DENND11: variants seen among roughly 807,000 people sequenced by gnomAD.
DENND11 encodes the protein DENN domain containing 11, also known as DENN domain-containing protein 11.
A neutral mutation model predicts 49.2 loss-of-function variants in DENND11; 34 were observed. The observed-to-expected ratio is 0.69, with a 90% CI of 0.53 to 0.92. The LOEUF is 0.92. Among genes scored for constraint, DENND11 ranks in the 40% least tolerant of loss-of-function variants. The pLI is 0.00. For synonymous variants in DENND11, 238 were observed against 230.3 expected (o/e 1.03, Z -0.30); for missense variants, 475 against 581.6 (o/e 0.82, Z 1.88).
chr7:141,667,785 C>T (rs180726485), intron 4 of DENND11, among the ~76,000 whole-genome samples: 1 of 152,230 alleles, frequency 6.6e-6, no homozygotes, highest in African/African-American at 2.4e-5. Flanking sequence ...GAAGCTGTGT[C>T]TGCACTACCC....
chr7:141,695,919 T>C (rs1459279376), intron 1 of DENND11, among the ~76,000 whole-genome samples: 1 of 152,228 alleles, frequency 6.6e-6, no homozygotes, highest in Non-Finnish European at 1.5e-5. Context: ...TGTGGCAATA[T>C]GCATTGTGTA....
In DENND11 at chr7:141,661,664, G is replaced by A. The variant is rs1210074067; in HGVS notation, c.*992C>T. On this transcript the variant is annotated 3_prime_UTR_variant, in exon 9 of 9. Coordinates refer to ENST00000536163, the MANE Select transcript of DENND11 (RefSeq NM_001080392.2). Reference sequence around the variant, plus strand: ...CCAGCTCAGATCCTTGCTAGATTTTGGAATCCAGTAAATCTGTGTTGACCC... The same window carrying A: ...CCAGCTCAGATCCTTGCTAGATTTTAGAATCCAGTAAATCTGTGTTGACCC... 1 of 152,164 alleles carries A rather than the reference G, an allele frequency of 6.6e-6. No individual in the cohort carries two copies. Among genetic ancestry groups the A allele is most frequent in the Non-Finnish European group, 1.5e-5 (1 of 68,050 alleles). 9.4% of individuals were successfully genotyped at this position (152,164 alleles called of 1,614,324 possible).
chr7:141,683,044 T>TA (rs1017456597), intron 3 of DENND11, among the ~76,000 whole-genome samples: 10 of 149,914 alleles, frequency 6.7e-5, no homozygotes, highest in Admixed American at 2.0e-4. Context: ...GAGGAGCAGC[T>TA]AAAAAAATAA....
rs115025407 is a variant in DENND11, at chr7:141,671,555, G to A, written c.681+2512C>T. 4.0e-3 allele frequency among the ~76,000 whole-genome samples: 609 copies of A among 152,254 alleles called. 4 individuals are homozygous for A. Among genetic ancestry groups the A allele is most frequent in the African/African-American group, 0.014 (566 of 41,550 alleles). On this transcript the variant is annotated intron_variant, in intron 4 of 8. Coordinates refer to ENST00000536163, the MANE Select transcript of DENND11 (RefSeq NM_001080392.2). The stretch of plus-strand genomic sequence containing the variant: ...TGTTATTTGTATCTGCAACCATAAC[G>A]GTACCCTCTTCCCTGCATCTCCTAG...
chr7:141,666,520 A>G (rs1037762621), intron 4 of DENND11, 95 bp from the exon 5 acceptor site: 5 of 1,234,454 alleles, frequency 4.1e-6, no homozygotes, highest in African/African-American at 3.0e-5. Context: ...CTGAAATTCT[A>G]AAGTCCATCC....
rs1213589203 is a variant in DENND11 at position 141,657,759 on chromosome 7, CCAT to C, written c.*4894_*4896del. ...AAAGAGGAAAGCAAGGCTTTTGTCT[CCAT>C]CATCATTTCTTTATATAGCACTAGA... On this transcript the variant is annotated 3_prime_UTR_variant, in exon 9 of 9. Transcript: ENST00000536163. 6.6e-6 allele frequency: 1 copy of C among 152,584 alleles called. No individual in the cohort carries two copies. The highest frequency in any genetic ancestry group is 2.4e-5 in the African/African-American group (1 of 41,446). The allele number at this position is 152,584 out of a possible 1,614,324, so 9.5% of individuals were successfully genotyped here. A position where few individuals can be genotyped will look rare whatever the true frequency, so the allele number is the denominator to read the frequency against.
At chr7:141,700,037 TA>T (rs1798482271) in intron 1 of DENND11, among the ~76,000 whole-genome samples, 2 of 152,212 alleles carry the variant, frequency 1.3e-5, no homozygotes, top group Non-Finnish European at 2.9e-5. Context: ...TATCAATTGA[TA>T]GATATCAATT....
intron 3 of DENND11, among the ~76,000 whole-genome samples, chr7:141,679,707 T>TA (rs5888011): frequency 0.03 from 3,467 of 116,594 alleles, 113 homozygotes; most frequent in African/African-American, 0.086. Context: ...AGCGAAACTT[T>TA]AAAAAAAAAA....
intron 2 of DENND11, among the ~76,000 whole-genome samples, chr7:141,686,304 A>G (rs901056408): frequency 3.3e-5 from 5 of 152,230 alleles, no homozygotes; most frequent in Non-Finnish European, 5.9e-5. Flanking sequence ...AGTGAGGTCC[A>G]TGTAATTTCT....
chr7:141,690,660 G>A (rs947687848), intron 1 of DENND11, among the ~76,000 whole-genome samples: 6 of 152,098 alleles, frequency 3.9e-5, no homozygotes, highest in African/African-American at 1.2e-4. Flanking sequence ...AAATGTTTGC[G>A]TCACTGCAAA....
At chr7:141,701,609 A>G (rs2117088776) in intron 1 of DENND11, 1 of 220,110 alleles carries the variant, frequency 4.5e-6, no homozygotes, top group Middle Eastern at 1.4e-3. Flanking sequence ...GACTCAGAGG[A>G]GAGGAGGGGA....
Position 141,662,169 on chromosome 7 carries a change from A to C in DENND11, c.*487T>G, listed in dbSNP as rs1047301155. 1 of 154,190 alleles carries C rather than the reference A, an allele frequency of 6.5e-6. No individual in the cohort carries two copies. Among genetic ancestry groups the C allele is most frequent in the Non-Finnish European group, 1.4e-5 (1 of 69,470 alleles). 9.6% of individuals were successfully genotyped at this position (154,190 alleles called of 1,614,324 possible). On this transcript the variant is annotated 3_prime_UTR_variant, in exon 9 of 9. Transcript: ENST00000536163. Reference sequence around the variant, plus strand: ...CATAAAGTTGCCCTAATGAACAAGAAAAGGGATTTGATCCCAAGACTATAG... The same window carrying C: ...CATAAAGTTGCCCTAATGAACAAGACAAGGGATTTGATCCCAAGACTATAG...
At chr7:141,679,145 A>T (rs1222641125) in intron 3 of DENND11, among the ~76,000 whole-genome samples, 1 of 152,212 alleles carries the variant, frequency 6.6e-6, no homozygotes, top group Non-Finnish European at 1.5e-5. Flanking sequence ...AGCTAGACCT[A>T]AGCTTATCTA....
intron 4 of DENND11, among the ~76,000 whole-genome samples, chr7:141,673,416 C>T (rs1798013269): frequency 6.6e-6 from 1 of 152,166 alleles, no homozygotes; most frequent in African/African-American, 2.4e-5. Context: ...CCTCACTTTC[C>T]ACCTAGCCAA....
chr7:141,666,745 G>A (rs1366111886), intron 4 of DENND11, among the ~76,000 whole-genome samples: 2 of 152,154 alleles, frequency 1.3e-5, no homozygotes, highest in African/African-American at 4.8e-5. Flanking sequence ...GCTTCAATAA[G>A]AAAACTCAAC....
In DENND11 at chr7:141,662,209, T is replaced by TA. The variant is rs1393805179; in HGVS notation, c.*446dup. 2 of 158,818 alleles carry TA rather than the reference T, an allele frequency of 1.3e-5. No individual in the cohort carries two copies. Among genetic ancestry groups the TA allele is most frequent in the African/African-American group, 4.8e-5 (2 of 41,760 alleles). The allele number at this position is 158,818 out of a possible 1,614,324, so 9.8% of individuals were successfully genotyped here. A position where few individuals can be genotyped will look rare whatever the true frequency, so the allele number is the denominator to read the frequency against. The stretch of plus-strand genomic sequence containing the variant: ...CAAGACTATAGACTCCTAGAACTAC[T>TA]AAAAACCTTAAAAGATCATCTGGTC... On this transcript the variant is annotated 3_prime_UTR_variant, in exon 9 of 9. Transcript: ENST00000536163.
intron 3 of DENND11, among the ~76,000 whole-genome samples, chr7:141,678,324 C>T (rs1358090219): frequency 6.6e-6 from 1 of 152,150 alleles, no homozygotes; most frequent in Non-Finnish European, 1.5e-5. Flanking sequence ...TATATTTGCA[C>T]ATGGGAAAAG....
At chr7:141,665,711 T>C (rs896678083) in intron 5 of DENND11, among the ~76,000 whole-genome samples, 4 of 152,044 alleles carry the variant, frequency 2.6e-5, no homozygotes, top group African/African-American at 9.7e-5. Flanking sequence ...CCCTCCACAC[T>C]TGTACTTTCC....
At chr7:141,683,808 A>C (rs536137305) in intron 3 of DENND11, among the ~76,000 whole-genome samples, 1 of 152,380 alleles carries the variant, frequency 6.6e-6, no homozygotes, top group South Asian at 2.1e-4. Flanking sequence ...GGGGAAGAAG[A>C]AAGCATTCAA....
Sources: gnomAD v4.1 joint callset for allele counts (sites outside exome capture counted in the v4.1 genomes callset) on GRCh38, gnomAD v4.1.1 for gene constraint, MANE v1.5 for transcripts, NCBI Gene and HGNC (gene_info 2026-07-23, HGNC 2026-07-21) for gene names.